The following ARHGAP35 variants were observed in gnomAD, a reference collection of about 807,000 sequenced individuals.
ARHGAP35 encodes the protein rho GTPase-activating protein 35.
In ARHGAP35, 15 loss-of-function variants were observed where a neutral mutation model predicts 111.1. That is an observed-to-expected ratio of 0.13 (90% CI 0.09 to 0.21). ARHGAP35 has a LOEUF of 0.21. Among genes scored for constraint, ARHGAP35 ranks in the 10% least tolerant of loss-of-function variants. The pLI is 1.00. For synonymous variants in ARHGAP35, 643 were observed against 710.3 expected, an observed-to-expected ratio of 0.91 and a Z score of 1.51; for missense variants, 1,262 against 1,873.0, an observed-to-expected ratio of 0.67 and a Z score of 6.02.
At chr19:46,987,442 T>G (rs2056657097) in intron 3 of ARHGAP35, among the ~76,000 whole-genome samples, 1 of 151,480 alleles carries the variant, frequency 6.6e-6, no homozygotes, top group South Asian at 2.1e-4. Context: ...CTCGAACTCC[T>G]GACCTCAAGT....
chr19:46,952,037 T>C (rs111761440), intron 3 of ARHGAP35, among the ~76,000 whole-genome samples: 5 of 152,326 alleles, frequency 3.3e-5, no homozygotes, highest in African/African-American at 1.2e-4. Flanking sequence ...TTAACAGTAA[T>C]TTATTGTATA....
At chr19:46,876,747 C>G (rs1568458795) in intron 1 of ARHGAP35, among the ~76,000 whole-genome samples, 1 of 152,020 alleles carries the variant, frequency 6.6e-6, no homozygotes, top group Non-Finnish European at 1.5e-5. Flanking sequence ...ACTCAAGCCT[C>G]CCTTTTCAGC....
At chr19:46,904,626 G>A (rs1468125736) in intron 1 of ARHGAP35, among the ~76,000 whole-genome samples, 2 of 152,176 alleles carry the variant, frequency 1.3e-5, no homozygotes, top group Non-Finnish European at 2.9e-5. Flanking sequence ...TGATTCCATC[G>A]TAAAGCAGTT....
In ARHGAP35 at chr19:46,999,697, G is replaced by A. The variant is rs1599876291; in HGVS notation, c.4142+288G>A. 1.7e-5 allele frequency: 7 copies of A among 417,218 alleles called. No individual in the cohort carries two copies. Among genetic ancestry groups the A allele is most frequent in the East Asian group, 1.6e-4 (4 of 25,478 alleles). The allele number at this position is 417,218 out of a possible 1,614,324, so 25.8% of individuals were successfully genotyped here. A position where few individuals can be genotyped will look rare whatever the true frequency, so the allele number is the denominator to read the frequency against. On this transcript the variant is annotated intron_variant, in intron 6 of 6. Coordinates refer to ENST00000672722, the MANE Select transcript of ARHGAP35 (RefSeq NM_004491.5). The surrounding 1 kb of genome is among the most constrained non-coding windows in gnomAD (Gnocchi z 5.4). ...AGCTCCAGCGGGCATGGGGCCTCTT[G>A]TAGGCCTGTGTCCCAAAGCTGGCAG...
At chr19:46,954,204 G>A (rs565936248) in intron 3 of ARHGAP35, among the ~76,000 whole-genome samples, 153 of 152,200 alleles carry the variant, frequency 1.0e-3, no homozygotes, top group African/African-American at 3.5e-3. Flanking sequence ...GAGAGCTATT[G>A]TTGAAGCCAC....
At chr19:46,947,113 CTCT>C (rs1187454598) in intron 3 of ARHGAP35, 1 of 152,200 alleles carries the variant, frequency 6.6e-6, no homozygotes, top group Non-Finnish European at 1.5e-5. Context: ...TTCCAGATAA[CTCT>C]TTAATAGCTT....
At chr19:46,881,252 C>G (rs1182083721) in intron 1 of ARHGAP35, among the ~76,000 whole-genome samples, 2 of 152,098 alleles carry the variant, frequency 1.3e-5, no homozygotes, top group Non-Finnish European at 2.9e-5. Flanking sequence ...AGTGAATGTT[C>G]TTAATGGGAT....
Position 46,988,429 on chromosome 19 carries a change from TGTGATCCTG to T in ARHGAP35, c.3904+364_3904+372del. 1 of 250,278 alleles carries T rather than the reference TGTGATCCTG, an allele frequency of 4.0e-6. No individual in the cohort carries two copies. Among genetic ancestry groups the T allele is most frequent in the Non-Finnish European group, 8.0e-6 (1 of 124,770 alleles). The allele number at this position is 250,278 out of a possible 1,614,324, so 15.5% of individuals were successfully genotyped here. A position where few individuals can be genotyped will look rare whatever the true frequency, so the allele number is the denominator to read the frequency against. Reference sequence around the variant, plus strand: ...ACATGATATACAAGTCGGGTTGAGATGTGATCCTGTTTTGCCAGGGCCTCAGATCTACCC... The same window carrying T: ...ACATGATATACAAGTCGGGTTGAGATTTTTGCCAGGGCCTCAGATCTACCC... On this transcript the variant is annotated intron_variant, in intron 4 of 6. Coordinates refer to ENST00000672722, the MANE Select transcript of ARHGAP35 (RefSeq NM_004491.5). The surrounding 1 kb of genome is among the most constrained non-coding windows in gnomAD (Gnocchi z 5.4).
intron 1 of ARHGAP35, among the ~76,000 whole-genome samples, chr19:46,879,368 C>G (rs561914321): frequency 1.3e-5 from 2 of 152,142 alleles, no homozygotes; most frequent in South Asian, 2.1e-4. Flanking sequence ...GCAGGCAGAT[C>G]ACGAGTTCAG....
At chr19:46,964,759 A>G (rs1161671280) in intron 3 of ARHGAP35, among the ~76,000 whole-genome samples, 1 of 152,202 alleles carries the variant, frequency 6.6e-6, no homozygotes, top group African/African-American at 2.4e-5. Context: ...TACCAGGGTA[A>G]TAAGGTCAAT....
In ARHGAP35 at chr19:46,992,886, C is replaced by T. The variant is rs564754673; in HGVS notation, c.4036+3211C>T. Reference sequence around the variant, plus strand: ...CAGTGCAGCCTAGGTTACCAGGGGACGGCCCTGCTGCTCTCTGGGCTCTTG... The same window carrying T: ...CAGTGCAGCCTAGGTTACCAGGGGATGGCCCTGCTGCTCTCTGGGCTCTTG... On this transcript the variant is annotated intron_variant, in intron 5 of 6. Coordinates refer to ENST00000672722, the MANE Select transcript of ARHGAP35 (RefSeq NM_004491.5). This position sits in a 1 kb window ranked among gnomAD's most constrained non-coding sequence, Gnocchi z 4.4. 9.8e-5 allele frequency among the ~76,000 whole-genome samples: 15 copies of T among 152,304 alleles called. No homozygotes were observed. The East Asian group carries it at 2.1e-3, about 22-fold the overall frequency.
At chr19:46,974,693 A>G (rs2056570048) in intron 3 of ARHGAP35, among the ~76,000 whole-genome samples, 3 of 152,034 alleles carry the variant, frequency 2.0e-5, no homozygotes, top group South Asian at 4.2e-4. Flanking sequence ...CTCATTGGCC[A>G]TTGGTGATTG....
chr19:46,948,562 T>G (rs2056393936), intron 3 of ARHGAP35: 1 of 152,214 alleles, frequency 6.6e-6, no homozygotes, highest in African/African-American at 2.4e-5. Context: ...GGTCCATCCA[T>G]CTGATGGAAT....
intron 5 of ARHGAP35, among the ~76,000 whole-genome samples, chr19:46,991,420 T>G (rs1005814069): frequency 4.6e-5 from 7 of 152,288 alleles, no homozygotes; most frequent in Admixed American, 1.3e-4. Flanking sequence ...TGTGTAGGGT[T>G]GTGGGGCCGG....
chr19:46,916,915 T>C (rs568818513), intron 1 of ARHGAP35, among the ~76,000 whole-genome samples: 1 of 152,296 alleles, frequency 6.6e-6, no homozygotes, highest in South Asian at 2.1e-4. Flanking sequence ...AGATTTACAT[T>C]GATAAAATAT....
chr19:46,920,096 T>C lies in ARHGAP35; in HGVS notation c.1421T>C (p.Met474Thr). Reference sequence around the variant, plus strand: ...CAGTGGCTGGAGGAATCTGTATACATGGATATTTATGGCAAACACCAAAAG... The same window carrying C: ...CAGTGGCTGGAGGAATCTGTATACACGGATATTTATGGCAAACACCAAAAG... ...FYQWLEESVY[M>T]DIYGKHQKQI... is the part of the protein sequence containing the mutation. Residue 474 changes from methionine to threonine, a missense_variant, in exon 2 of 7, where the codon ATG (methionine) becomes ACG (threonine). Met to Thr is a moderately conservative substitution (Grantham distance 81). Transcript: ENST00000672722. The surrounding 1 kb of genome is among the most constrained non-coding windows in gnomAD (Gnocchi z 7.0). The C allele has an allele frequency of 1.9e-6, 3 of 1,613,906 alleles. No individual in the cohort carries two copies. Among genetic ancestry groups the C allele is most frequent in the Non-Finnish European group, 2.5e-6 (3 of 1,179,862 alleles).
chr19:46,939,896 A>C (rs1277158411), intron 3 of ARHGAP35, among the ~76,000 whole-genome samples: 1 of 151,636 alleles, frequency 6.6e-6, no homozygotes, highest in Admixed American at 6.6e-5. Flanking sequence ...AACAGACAAA[A>C]CACTGTTTTG....
rs1195899693 is a variant in ARHGAP35, at chr19:46,992,259, GT to G, written c.4036+2585del. Among the ~76,000 whole-genome samples the G allele has an allele frequency of 1.3e-5, 2 of 152,180 alleles. No individual in the cohort carries two copies. Among genetic ancestry groups the G allele is most frequent in the South Asian group, 2.1e-4 (1 of 4,828 alleles). Reference sequence around the variant, plus strand: ...CAGAGAAGGAAACAGCTTCTCAGAGGTGATACAGCCTGCCCAGGGTCACACC... The same window carrying G: ...CAGAGAAGGAAACAGCTTCTCAGAGGGATACAGCCTGCCCAGGGTCACACC... On this transcript the variant is annotated intron_variant, in intron 5 of 6. Coordinates refer to ENST00000672722, the MANE Select transcript of ARHGAP35 (RefSeq NM_004491.5). The surrounding 1 kb of genome is among the most constrained non-coding windows in gnomAD (Gnocchi z 4.4).
chr19:46,932,347 C>T (rs917713470), intron 2 of ARHGAP35, among the ~76,000 whole-genome samples: 1 of 152,164 alleles, frequency 6.6e-6, no homozygotes, highest in South Asian at 2.1e-4. Context: ...TTGAATTCCT[C>T]TGGCTAGATG....
Sources: gnomAD v4.1 joint callset for allele counts (sites outside exome capture counted in the v4.1 genomes callset) on GRCh38, gnomAD v4.1.1 for gene constraint, Gnocchi (gnomAD v3.1) non-coding constraint, MANE v1.5 for transcripts, NCBI Gene and HGNC (gene_info 2026-07-23, HGNC 2026-07-21) for gene names.